The following COL24A1 variants were observed in gnomAD, a reference collection of about 807,000 sequenced individuals.
COL24A1 encodes collagen alpha-1(XXIV) chain.
COL24A1 carries 224 observed loss-of-function variants against 253.9 expected under a neutral mutation model. That is an observed-to-expected ratio of 0.88 (90% CI 0.79 to 0.99). The LOEUF (loss-of-function observed/expected upper bound fraction) is 0.99, where lower values mean the gene tolerates loss of function less well. Ranked by LOEUF, COL24A1 falls within the 50% of genes least tolerant of loss-of-function variation. The pLI, the probability that COL24A1 is intolerant of heterozygous loss-of-function variation, is 0.00. For missense variants in COL24A1, 2,131 were observed against 2,068.5 expected (o/e 1.03, Z -0.59); for synonymous variants, 685 against 673.7 (o/e 1.02, Z -0.26).
chr1:85,845,044 C>T (rs566234445), intron 39 of COL24A1, among the ~76,000 whole-genome samples: 1 of 151,846 alleles, frequency 6.6e-6, no homozygotes, highest in African/African-American at 2.4e-5. Flanking sequence ...AGAAATAGGC[C>T]TACTTTGCTT....
At chr1:86,048,533 C>T (rs1225467766) in intron 11 of COL24A1, among the ~76,000 whole-genome samples, 6 of 151,608 alleles carry the variant, frequency 4.0e-5, no homozygotes, top group African/African-American at 1.5e-4. Flanking sequence ...CTCTGTTGCC[C>T]AGGCTGGAGT....
intron 51 of COL24A1, among the ~76,000 whole-genome samples, chr1:85,782,473 G>C (rs2101571444): frequency 6.6e-6 from 1 of 150,948 alleles, no homozygotes; most frequent in Non-Finnish European, 1.5e-5. Context: ...TGATAGACTG[G>C]ATGAAGAAAA....
chr1:85,745,998 T>A (rs1045509996), intron 55 of COL24A1, among the ~76,000 whole-genome samples: 11 of 152,176 alleles, frequency 7.2e-5, no homozygotes, highest in African/African-American at 2.7e-4. Flanking sequence ...TTGGAAAATG[T>A]ACCATGAGTC....
intron 5 of COL24A1, among the ~76,000 whole-genome samples, chr1:86,110,967 G>A (rs556088935): frequency 3.9e-5 from 6 of 152,166 alleles, no homozygotes; most frequent in African/African-American, 7.2e-5. Context: ...AGCTCCGACC[G>A]TTGCCCCTGC....
At chr1:86,007,111 C>CAT in intron 19 of COL24A1, among the ~76,000 whole-genome samples, 1 of 152,044 alleles carries the variant, frequency 6.6e-6, no homozygotes, top group African/African-American at 2.4e-5. Context: ...CCTACTCAGG[C>CAT]GGCTGAGGTG....
chr1:86,111,861 G>T (rs976815780), intron 5 of COL24A1, among the ~76,000 whole-genome samples: 11 of 152,044 alleles, frequency 7.2e-5, no homozygotes, highest in African/African-American at 1.4e-4. Flanking sequence ...CACTAACCAT[G>T]AACGTCTGCA....
chr1:85,997,645 C>T (rs1310611721), intron 19 of COL24A1, among the ~76,000 whole-genome samples: 3 of 151,556 alleles, frequency 2.0e-5, no homozygotes, highest in South Asian at 2.1e-4. Context: ...TAGCTGGGTG[C>T]GGTGACATGC....
chr1:86,125,643 AGATGCTTCTGCAGAAG>A lies in COL24A1; in HGVS notation c.677_692del (p.Pro226LeufsTer8), dbSNP rs1489016364. The A allele has an allele frequency of 6.2e-7, 1 of 1,612,738 alleles. No homozygotes were observed. Among genetic ancestry groups the A allele is most frequent in the Non-Finnish European group, 8.5e-7 (1 of 1,179,226 alleles). ...GTTTCACATATCTGCAGTAGTCTGC[AGATGCTTCTGCAGAAG>A]GAATAATATCTAACTGACATACTAT... On this transcript the variant is annotated frameshift_variant, in exon 3 of 60. Transcript: ENST00000370571. LOFTEE classifies it high-confidence loss of function.
chr1:86,031,874 T>A lies in COL24A1; in HGVS notation c.2049+4A>T, dbSNP rs770713039. 1.6e-5 allele frequency: 25 copies of A among 1,601,126 alleles called. No individual in the cohort carries two copies. Among genetic ancestry groups the A allele is most frequent in the Non-Finnish European group, 2.0e-5 (24 of 1,173,444 alleles). ...TAAGAATGATGATATTTAGTGATAC[T>A]CACTCTAAGCCCAGGAAACCCCGGA... On this transcript the variant is annotated splice_donor_region_variant and intron_variant, in intron 14 of 59. Coordinates refer to ENST00000370571, the MANE Select transcript of COL24A1 (RefSeq NM_152890.7).
intron 7 of COL24A1, among the ~76,000 whole-genome samples, chr1:86,066,460 G>A (rs1350145369): frequency 1.3e-5 from 2 of 151,696 alleles, no homozygotes; most frequent in Non-Finnish European, 2.9e-5. Context: ...TAGCCAGGAC[G>A]GTCTCGATCT....
intron 43 of COL24A1, among the ~76,000 whole-genome samples, chr1:85,835,399 G>A (rs1321471011): frequency 6.6e-6 from 1 of 152,000 alleles, no homozygotes; most frequent in East Asian, 1.9e-4. Context: ...CAAAGTGCTG[G>A]GATTACAGGT....
At chr1:85,772,136 T>C (rs1668040525) in intron 53 of COL24A1, among the ~76,000 whole-genome samples, 1 of 151,050 alleles carries the variant, frequency 6.6e-6, no homozygotes, top group Non-Finnish European at 1.5e-5. Context: ...AACTCATCAT[T>C]TTTTATGGCT....
intron 2 of COL24A1, among the ~76,000 whole-genome samples, chr1:86,139,416 C>T (rs1030848300): frequency 5.9e-5 from 9 of 151,954 alleles, no homozygotes; most frequent in African/African-American, 2.2e-4. Flanking sequence ...GTACAGAGAA[C>T]CAAAGAACCA....
At chr1:85,740,453 T>A (rs1553163501) in intron 57 of COL24A1, among the ~76,000 whole-genome samples, 1 of 152,096 alleles carries the variant, frequency 6.6e-6, no homozygotes, top group Non-Finnish European at 1.5e-5. Flanking sequence ...ATATTCTACC[T>A]TCTCTCTCTT....
chr1:86,009,394 G>C (rs1696293252), intron 19 of COL24A1, among the ~76,000 whole-genome samples: 1 of 152,042 alleles, frequency 6.6e-6, no homozygotes, highest in Non-Finnish European at 1.5e-5. Context: ...GTCATTGTGT[G>C]AACATCATAG....
rs1018353644 is a variant in COL24A1 at position 85,819,201 on chromosome 1, G to A, written c.3790-1114C>T. 3.3e-5 allele frequency among the ~76,000 whole-genome samples: 5 copies of A among 152,076 alleles called. No homozygotes were observed. In the East Asian group the frequency reaches 7.7e-4, roughly 24 times the overall value. ...AGAAAATGGGATAGTTAGTGACCTG[G>A]GTTTAATTAAAGTATACACATTTCT... On this transcript the variant is annotated intron_variant, in intron 45 of 59. Transcript: ENST00000370571.
At chr1:85,766,887 C>T (rs967018704) in intron 53 of COL24A1, among the ~76,000 whole-genome samples, 3 of 151,974 alleles carry the variant, frequency 2.0e-5, no homozygotes, top group Non-Finnish European at 2.9e-5. Flanking sequence ...GGGCAGATCA[C>T]GAGGTCAGGA....
intron 58 of COL24A1, among the ~76,000 whole-genome samples, chr1:85,735,805 A>G (rs1277143395): frequency 1.3e-5 from 2 of 152,164 alleles, no homozygotes; most frequent in Non-Finnish European, 2.9e-5. Context: ...ATGTAAGTGA[A>G]CAGAAATAGT....
chr1:85,880,831 G>T (rs1681754240), intron 32 of COL24A1, among the ~76,000 whole-genome samples: 1 of 151,698 alleles, frequency 6.6e-6, no homozygotes, highest in African/African-American at 2.4e-5. Context: ...TACATTAATT[G>T]ACATTCTACT....
Sources: allele counts gnomAD v4.1 joint callset (sites outside exome capture counted in the v4.1 genomes callset), GRCh38; gene constraint gnomAD v4.1.1; transcripts MANE v1.5; gene names NCBI Gene and HGNC (gene_info 2026-07-23, HGNC 2026-07-21).